Variants in PIK3R5 observed in about 807,000 individuals in gnomAD.
The protein encoded by PIK3R5 is phosphoinositide 3-kinase regulatory subunit 5.
PIK3R5 carries 32 observed loss-of-function variants against 94.9 expected under a neutral mutation model. The ratio of observed to expected loss-of-function variants is 0.34; its 90% CI spans 0.25 to 0.45. The LOEUF (loss-of-function observed/expected upper bound fraction) is 0.45. Among genes scored for constraint, PIK3R5 ranks in the 20% least tolerant of loss-of-function variants. The pLI is 1.00. For missense variants in PIK3R5, 853 were observed against 1,144.6 expected (o/e 0.75, Z 3.68); for synonymous variants, 443 against 479.4 (o/e 0.92, Z 0.99).
intron 1 of PIK3R5, among the ~76,000 whole-genome samples, chr17:8,933,852 GA>G (rs1422036821): frequency 6.6e-6 from 1 of 151,804 alleles, no homozygotes; most frequent in Non-Finnish European, 1.5e-5. Flanking sequence ...AAAGAAGAGT[GA>G]AAAAAAATCA....
rs749281989 is a variant in PIK3R5, at chr17:8,888,423, C to T, written c.1364G>A (p.Arg455Gln). The T allele has an allele frequency of 3.0e-5, 48 of 1,596,282 alleles. No individual in the cohort carries two copies. Among genetic ancestry groups the T allele is most frequent in the Admixed American group, 2.5e-4 (14 of 56,784 alleles). Residue 455 changes from arginine to glutamine, a missense_variant, in exon 10 of 19, where the codon CGG (arginine) becomes CAG (glutamine). By Grantham distance (43) the Arg-to-Gln change is conservative. Coordinates refer to ENST00000447110, the MANE Select transcript of PIK3R5 (RefSeq NM_001142633.3). This position sits in a 1 kb window ranked among gnomAD's most constrained non-coding sequence, Gnocchi z 7.8. Reference sequence around the variant, plus strand: ...CAGGGGGCTGCAGAGGCTCCCTGCCCGCCTCAGGGGCAGGGCCGTGTCCGA... The same window carrying T: ...CAGGGGGCTGCAGAGGCTCCCTGCCTGCCTCAGGGGCAGGGCCGTGTCCGA... ...GSSDTALPLRRAGSLCSPLDE... is the reference protein window; with the variant it reads ...GSSDTALPLRQAGSLCSPLDE...
intron 2 of PIK3R5, among the ~76,000 whole-genome samples, chr17:8,910,812 T>C (rs2090508299): frequency 1.3e-5 from 2 of 151,974 alleles, no homozygotes; most frequent in African/African-American, 2.4e-5. Flanking sequence ...ACGGAGAAGT[T>C]AGGGAGGCCA....
chr17:8,929,349 A>T (rs958882920), intron 1 of PIK3R5, among the ~76,000 whole-genome samples: 3 of 151,626 alleles, frequency 2.0e-5, no homozygotes, highest in Non-Finnish European at 4.4e-5. Flanking sequence ...AATTAAAAGT[A>T]AAAGGGTGGG....
chr17:8,916,610 G>GGCA (rs1227585044), intron 1 of PIK3R5: 1 of 151,994 alleles, frequency 6.6e-6, no homozygotes, highest in African/African-American at 2.4e-5. Flanking sequence ...AGTCCTTGCT[G>GGCA]GGGACCCTGC....
intron 5 of PIK3R5, among the ~76,000 whole-genome samples, chr17:8,899,108 G>T (rs963780391): frequency 2.6e-5 from 4 of 152,364 alleles, no homozygotes; most frequent in African/African-American, 9.6e-5. Flanking sequence ...CAATAAACAT[G>T]TGGGCTGAGC....
chr17:8,954,085 A>AAAAAAG (rs2091426359), intron 1 of PIK3R5, among the ~76,000 whole-genome samples: 1 of 151,972 alleles, frequency 6.6e-6, no homozygotes, highest in African/African-American at 2.4e-5. Flanking sequence ...AGAAAAAAAG[A>AAAAAAG]AAAAAGAAAA....
intron 1 of PIK3R5, among the ~76,000 whole-genome samples, chr17:8,951,573 T>G (rs900569006): frequency 6.6e-6 from 1 of 152,278 alleles, no homozygotes; most frequent in African/African-American, 2.4e-5. Context: ...AGCATGTGTT[T>G]GAACCTCATT....
At chr17:8,891,224 G>T (rs2090015567) in intron 6 of PIK3R5, among the ~76,000 whole-genome samples, 1 of 152,114 alleles carries the variant, frequency 6.6e-6, no homozygotes, top group Non-Finnish European at 1.5e-5. Context: ...TTTCCTATGA[G>T]ACAGCTGAGT....
At chr17:8,956,083 C>T (rs1482578808) in intron 1 of PIK3R5, among the ~76,000 whole-genome samples, 1 of 152,004 alleles carries the variant, frequency 6.6e-6, no homozygotes, top group Non-Finnish European at 1.5e-5. Flanking sequence ...TCATCTGAGC[C>T]TGGGGAGGTT....
chr17:8,888,837 A>G lies in PIK3R5; in HGVS notation c.950T>C (p.Leu317Pro), dbSNP rs759441405. 2 of 1,608,392 alleles carry G rather than the reference A, an allele frequency of 1.2e-6. No homozygotes were observed. The highest frequency in any genetic ancestry group is 2.2e-5 in the South Asian group (2 of 91,080). ...KEQELLQPGI[L>P]GDDEEEEEEE... ...CTCTTCCTCCTCTTCATCATCTCCC[A>G]GGATCCCTGGCTGGAGTAGCTCCTG... Residue 317 changes from leucine (L) to proline (P), a missense_variant, in exon 10 of 19, where the codon CTG becomes CCG. Leu to Pro is a moderately conservative substitution (Grantham distance 98). Around this residue, in one of 6 missense-constraint regions of PIK3R5, gnomAD observed 161 missense variants for 249.5 expected, o/e 0.65. Coordinates refer to ENST00000447110, the MANE Select transcript of PIK3R5 (RefSeq NM_001142633.3). This position sits in a 1 kb window ranked among gnomAD's most constrained non-coding sequence, Gnocchi z 7.8.
intron 1 of PIK3R5, among the ~76,000 whole-genome samples, chr17:8,940,546 G>T (rs897055425): frequency 1.3e-5 from 2 of 151,820 alleles, no homozygotes; most frequent in Non-Finnish European, 2.9e-5. Context: ...AGGTTTTTTT[G>T]TTTGTTTGTT....
At chr17:8,941,889 A>C (rs2091187603) in intron 1 of PIK3R5, among the ~76,000 whole-genome samples, 1 of 152,202 alleles carries the variant, frequency 6.6e-6, no homozygotes, top group Non-Finnish European at 1.5e-5. Flanking sequence ...ACAGGGGAAA[A>C]CAGAAAGATC....
At chr17:8,943,499 G>A (rs1000754691) in intron 1 of PIK3R5, among the ~76,000 whole-genome samples, 7 of 152,254 alleles carry the variant, frequency 4.6e-5, no homozygotes, top group South Asian at 2.1e-4. Context: ...TTGGCTGGGC[G>A]CGGTGGCTCA....
At position 8,925,507 on chromosome 17, in the gene PIK3R5, A is replaced by G. The variant is rs2090865718; in HGVS notation, c.-13-14000T>C. ...AGATGGATAGATAGTAGATGGATAGATAGTAGATGGATAGATAGATAGATA... is the reference window on the plus strand; with the variant it reads ...AGATGGATAGATAGTAGATGGATAGGTAGTAGATGGATAGATAGATAGATA... On this transcript the variant is annotated intron_variant, in intron 1 of 18. Coordinates refer to ENST00000447110, the MANE Select transcript of PIK3R5 (RefSeq NM_001142633.3). The surrounding 1 kb of genome is among the most constrained non-coding windows in gnomAD (Gnocchi z 5.1). Among the ~76,000 whole-genome samples the G allele has an allele frequency of 6.6e-6, 1 of 151,470 alleles. No individual in the cohort carries two copies. Among genetic ancestry groups the G allele is most frequent in the Non-Finnish European group, 1.5e-5 (1 of 68,012 alleles).
rs934178799 is a variant in PIK3R5 at position 8,887,022 on chromosome 17, A to C, written c.1905+74T>G. 3.2e-6 allele frequency: 5 copies of C among 1,571,236 alleles called. No individual in the cohort carries two copies. In the Admixed American group the frequency reaches 7.1e-5, roughly 22 times the overall value. ...TGGGGGCCTCAAGCCTGATTCCCTA[A>C]ATCCAGGGCCTTCTAAGTGAGGCTG... is the stretch of plus-strand genomic sequence containing the variant. On this transcript the variant is annotated intron_variant, in intron 12 of 18. Transcript: ENST00000447110.
chr17:8,931,493 G>C (rs974839071), intron 1 of PIK3R5, among the ~76,000 whole-genome samples: 11 of 152,138 alleles, frequency 7.2e-5, no homozygotes, highest in Non-Finnish European at 1.5e-4. Flanking sequence ...TCTTGATTTC[G>C]CTGGGTTTCT....
chr17:8,935,889 C>G lies in PIK3R5; in HGVS notation c.-13-24382G>C, dbSNP rs1206583683. Among the ~76,000 whole-genome samples the G allele has an allele frequency of 6.6e-6, 1 of 152,144 alleles. No homozygotes were observed. Among genetic ancestry groups the G allele is most frequent in the East Asian group, 1.9e-4 (1 of 5,170 alleles). On this transcript the variant is annotated intron_variant, in intron 1 of 18. Coordinates refer to ENST00000447110, the MANE Select transcript of PIK3R5 (RefSeq NM_001142633.3). This position sits in a 1 kb window ranked among gnomAD's most constrained non-coding sequence, Gnocchi z 4.5. ...CTAACGCAGTGAAACCCGATCTCTA[C>G]TAAAAATACAAAAAATTAGCCGGGC...
At chr17:8,908,234 A>C (rs1273205214) in intron 3 of PIK3R5, among the ~76,000 whole-genome samples, 1 of 152,086 alleles carries the variant, frequency 6.6e-6, no homozygotes, top group Non-Finnish European at 1.5e-5. Flanking sequence ...CAAATTTAGA[A>C]TCTTCCTTCT....
At chr17:8,908,529 A>AC (rs2090443102) in intron 3 of PIK3R5, among the ~76,000 whole-genome samples, 2 of 125,920 alleles carry the variant, frequency 1.6e-5, no homozygotes, top group Non-Finnish European at 3.3e-5. Flanking sequence ...AAAATAATTA[A>AC]AACACACACA....
Sources: allele counts gnomAD v4.1 joint callset (sites outside exome capture counted in the v4.1 genomes callset), GRCh38; gene constraint gnomAD v4.1.1; regional missense constraint gnomAD v4.1.1; non-coding constraint Gnocchi (gnomAD v3.1); transcripts MANE v1.5; gene names NCBI Gene and HGNC (gene_info 2026-07-23, HGNC 2026-07-21).